The following COL25A1 variants were observed in gnomAD, a reference collection of about 807,000 sequenced individuals.
The protein encoded by COL25A1 is collagen type XXV alpha 1 chain, also known as collagen alpha-1(XXV) chain.
A neutral mutation model predicts 128.4 loss-of-function variants in COL25A1; 103 were observed. That is an observed-to-expected ratio of 0.80 (90% CI 0.68 to 0.94). COL25A1 has a LOEUF of 0.94. Among genes scored for constraint, COL25A1 ranks in the 40% least tolerant of loss-of-function variants. The pLI is 0.00. For missense variants in COL25A1, 745 were observed against 840.0 expected, an observed-to-expected ratio of 0.89 and a Z score of 1.40; for synonymous variants, 279 against 277.2, an observed-to-expected ratio of 1.01 and a Z score of -0.06.
At chr4:108,883,371 C>T (rs991520092) in intron 19 of COL25A1, among the ~76,000 whole-genome samples, 1 of 151,072 alleles carries the variant, frequency 6.6e-6, no homozygotes, top group Non-Finnish European at 1.5e-5. Context: ...GAGATTGATT[C>T]AAAACTTTGT....
At chr4:108,867,739 A>G (rs1490463601) in intron 20 of COL25A1, among the ~76,000 whole-genome samples, 1 of 152,196 alleles carries the variant, frequency 6.6e-6, no homozygotes, top group Non-Finnish European at 1.5e-5. Flanking sequence ...TTTAAAAATA[A>G]AAGAATGTAG....
chr4:108,904,291 G>A lies in COL25A1; in HGVS notation c.781-3119C>T, dbSNP rs1743197336. Among the ~76,000 whole-genome samples the A allele has an allele frequency of 2.0e-5, 3 of 152,028 alleles. No individual in the cohort carries two copies. The South Asian group carries it at 6.2e-4, about 31-fold the overall frequency. ...GTGCCCAAAGAGCTTATTTTTGAGT[G>A]GGGAAAATATATACATACATGTATA... On this transcript the variant is annotated intron_variant, in intron 13 of 37. Transcript: ENST00000399132.
chr4:109,187,218 C>CAT (rs1775224697), intron 3 of COL25A1, among the ~76,000 whole-genome samples: 1 of 136,356 alleles, frequency 7.3e-6, no homozygotes, highest in South Asian at 2.7e-4. Context: ...CACACACACA[C>CAT]ACACACACAC....
intron 3 of COL25A1, among the ~76,000 whole-genome samples, chr4:109,282,086 G>A (rs998018270): frequency 1.3e-5 from 2 of 152,170 alleles, no homozygotes; most frequent in African/African-American, 4.8e-5. Context: ...GAAAAATGAT[G>A]ATTTGCACAG....
intron 3 of COL25A1, among the ~76,000 whole-genome samples, chr4:109,064,249 G>A (rs1256098880): frequency 6.6e-6 from 1 of 152,192 alleles, no homozygotes; most frequent in East Asian, 1.9e-4. Context: ...ATATTTATAT[G>A]AATTAGATCC....
intron 3 of COL25A1, among the ~76,000 whole-genome samples, chr4:109,238,928 G>A (rs1344429141): frequency 6.6e-6 from 1 of 151,962 alleles, no homozygotes; most frequent in African/African-American, 2.4e-5. Context: ...GCAGACTGGT[G>A]GGGGTAGGAG....
intron 8 of COL25A1, among the ~76,000 whole-genome samples, chr4:108,971,633 T>C (rs1260574609): frequency 6.6e-6 from 1 of 152,148 alleles, no homozygotes; most frequent in Non-Finnish European, 1.5e-5. Flanking sequence ...GCAAGACTAG[T>C]GTGAGATGAA....
chr4:109,061,044 A>G (rs191464043), intron 3 of COL25A1, among the ~76,000 whole-genome samples: 9 of 152,314 alleles, frequency 5.9e-5, no homozygotes, highest in East Asian at 1.9e-4. Flanking sequence ...TTCATGCTAC[A>G]TAAGTGAGGA....
chr4:109,198,715 C>T (rs1016156910), intron 3 of COL25A1, among the ~76,000 whole-genome samples: 4 of 152,128 alleles, frequency 2.6e-5, no homozygotes, highest in African/African-American at 9.7e-5. Context: ...TTTCAAAATC[C>T]ATAAAATTGC....
chr4:109,272,720 C>T (rs1188447323), intron 3 of COL25A1, among the ~76,000 whole-genome samples: 1 of 152,142 alleles, frequency 6.6e-6, no homozygotes. Context: ...CCTAATAGAG[C>T]TTCCAACCAT....
intron 3 of COL25A1, among the ~76,000 whole-genome samples, chr4:109,142,461 C>G (rs1770505078): frequency 6.6e-6 from 1 of 152,090 alleles, no homozygotes; most frequent in Admixed American, 6.6e-5. Context: ...AGTTCAAGTC[C>G]TGAATATCCT....
At chr4:108,903,974 G>C (rs1464977360) in intron 13 of COL25A1, among the ~76,000 whole-genome samples, 1 of 152,036 alleles carries the variant, frequency 6.6e-6, no homozygotes. Flanking sequence ...AATAAAGCTA[G>C]AGGAAAAAAT....
chr4:109,226,470 A>G (rs1287482219), intron 3 of COL25A1, among the ~76,000 whole-genome samples: 3 of 152,166 alleles, frequency 2.0e-5, no homozygotes, highest in African/African-American at 7.2e-5. Flanking sequence ...GCACCATTCA[A>G]TCCCTACATA....
chr4:108,929,515 T>C (rs1467086855), intron 11 of COL25A1, among the ~76,000 whole-genome samples: 1 of 151,942 alleles, frequency 6.6e-6, no homozygotes, highest in African/African-American at 2.4e-5. Context: ...AGCACACATA[T>C]ACTCCAAATA....
intron 3 of COL25A1, among the ~76,000 whole-genome samples, chr4:109,099,838 G>T (rs1015855095): frequency 6.6e-6 from 1 of 151,954 alleles, no homozygotes; most frequent in Non-Finnish European, 1.5e-5. Flanking sequence ...CACGAAAAAG[G>T]CCAATAGACA....
intron 3 of COL25A1, among the ~76,000 whole-genome samples, chr4:109,238,374 C>T (rs907228645): frequency 2.0e-5 from 3 of 152,000 alleles, no homozygotes; most frequent in Admixed American, 2.0e-4. Flanking sequence ...CTAAGTAGCA[C>T]CCATGTACTG....
chr4:109,019,006 G>A (rs1757457433), intron 5 of COL25A1, among the ~76,000 whole-genome samples: 1 of 152,146 alleles, frequency 6.6e-6, no homozygotes, highest in Non-Finnish European at 1.5e-5. Flanking sequence ...TGATTGGATT[G>A]AGGGATACAA....
Position 108,994,008 on chromosome 4 carries a change from C to A in COL25A1, c.438+16350G>T, listed in dbSNP as rs187435693. Among the ~76,000 whole-genome samples, 1,184 of 152,274 alleles carry A rather than the reference C, an allele frequency of 7.8e-3. 9 individuals are homozygous for A. Among genetic ancestry groups the A allele is most frequent in the African/African-American group, 0.027 (1,111 of 41,550 alleles). ...CGCTTCCAAGATGGCCAAATAGGAA[C>A]AGCTCTGGTCTGCAACTCCCAGCAA... On this transcript the variant is annotated intron_variant, in intron 6 of 37. Coordinates refer to ENST00000399132, the MANE Select transcript of COL25A1 (RefSeq NM_198721.4).
chr4:108,983,089 C>T (rs1222065492), intron 6 of COL25A1, among the ~76,000 whole-genome samples: 2 of 152,128 alleles, frequency 1.3e-5, no homozygotes, highest in Admixed American at 6.5e-5. Context: ...GTCAAATTAC[C>T]GCTCCTGCCA....
Sources: allele counts gnomAD v4.1 joint callset (sites outside exome capture counted in the v4.1 genomes callset), GRCh38; gene constraint gnomAD v4.1.1; transcripts MANE v1.5; gene names NCBI Gene and HGNC (gene_info 2026-07-23, HGNC 2026-07-21).